The following ZNF232 variants were observed in gnomAD, a reference collection of about 807,000 sequenced individuals.
The protein encoded by ZNF232 is zinc finger and SCAN domain-containing protein 11.
A neutral mutation model predicts 25.2 loss-of-function variants in ZNF232; 25 were observed. That is an observed-to-expected ratio of 0.99 (90% CI 0.72 to 1.39). The LOEUF (loss-of-function observed/expected upper bound fraction) is 1.39, where lower values mean the gene tolerates loss of function less well. ZNF232 is among the 40% of genes most tolerant of loss of function. The probability of loss-of-function intolerance (pLI) is 0.00; values close to 1 mark genes in which losing one functional copy is unlikely to be tolerated. For synonymous variants in ZNF232, 193 were observed against 182.9 expected (o/e 1.06, Z -0.45); for missense variants, 519 against 520.9 (o/e 1.00, Z 0.04).
At chr17:5,116,866 A>G (rs571594442) in intron 1 of ZNF232, 1 of 152,284 alleles carries the variant, frequency 6.6e-6, no homozygotes, top group Non-Finnish European at 1.5e-5. Flanking sequence ...ACGGTACCCA[A>G]CACATAGCAA....
upstream of ZNF232, among the ~76,000 whole-genome samples, chr17:5,112,946 G>A (rs1465957148): frequency 1.3e-5 from 2 of 150,704 alleles, no homozygotes; most frequent in African/African-American, 2.5e-5. Context: ...GCGACAGAGT[G>A]AGACTCCGTC....
At chr17:5,109,642 G>A in exon 2 of ZNF232, 2 of 1,614,244 alleles carry the variant, frequency 1.2e-6, no homozygotes, top group Non-Finnish European at 1.7e-6. Context: ...TAGCGGAGAT[G>A]CCTGAAGCGT....
exon 4 of ZNF232, chr17:5,106,260 T>C (rs1178976006): frequency 2.5e-6 from 4 of 1,614,152 alleles, no homozygotes; most frequent in Non-Finnish European, 3.4e-6. Context: ...ATGGTCTTTC[T>C]TCCCTGTGGG....
Position 5,109,066 on chromosome 17 carries a change from G to A in ZNF232, c.499-14C>T, listed in dbSNP as rs1487593446. 9 of 1,613,788 alleles carry A rather than the reference G, an allele frequency of 5.6e-6. No homozygotes were observed. The highest frequency in any genetic ancestry group is 6.8e-6 in the Non-Finnish European group (8 of 1,179,954). On this transcript the variant is annotated splice_polypyrimidine_tract_variant and intron_variant, in intron 2 of 3. Transcript: ENST00000575898. ...AGGGCCTGGGACCTGGAGGTGATCA[G>A]GCACCACTCAGTTTAAATTTTCTTC...
upstream of ZNF232, chr17:5,116,505 C>G (rs77450252): frequency 0.032 from 4,935 of 152,434 alleles, 128 homozygotes; most frequent in East Asian, 0.11. Flanking sequence ...AGGGAAAAGG[C>G]CAGTGCCTGT....
chr17:5,114,056 T>G (rs187682486), upstream of ZNF232: 5 of 152,348 alleles, frequency 3.3e-5, no homozygotes, highest in African/African-American at 1.2e-4. Flanking sequence ...AAAATTGCTC[T>G]TAGGAAGCTT....
chr17:5,111,964 T>C, upstream of ZNF232: 1 of 1,278,404 alleles, frequency 7.8e-7, no homozygotes, highest in Non-Finnish European at 1.1e-6. Context: ...CCCAGGCGCG[T>C]GGGCGCTGCC....
chr17:5,111,828 C>A (rs755813325), exon 1 of ZNF232: 1 of 1,613,832 alleles, frequency 6.2e-7, no homozygotes, highest in Admixed American at 1.7e-5. Flanking sequence ...TCCATCGGGG[C>A]GCTGCCGCGA....
At chr17:5,122,830 C>T (rs1339451074) in intron 1 of ZNF232, 1 of 152,330 alleles carries the variant, frequency 6.6e-6, no homozygotes, top group Non-Finnish European at 1.5e-5. Context: ...GCGCACTGAG[C>T]TCTTAGAGGT....
chr17:5,122,635 C>A (rs2072722175), intron 1 of ZNF232, among the ~76,000 whole-genome samples: 1 of 152,218 alleles, frequency 6.6e-6, no homozygotes, highest in Non-Finnish European at 1.5e-5. Context: ...GAACGGCCGG[C>A]TGCAACGCGT....
chr17:5,111,498 A>G (rs1224935395), intron 1 of ZNF232: 7 of 476,328 alleles, frequency 1.5e-5, no homozygotes, highest in Non-Finnish European at 7.4e-6. Context: ...GGCCTCGGGC[A>G]GGTGCCCGCC....
At chr17:5,121,515 C>G (rs1213034440) in intron 1 of ZNF232, 3 of 212,936 alleles carry the variant, frequency 1.4e-5, no homozygotes, top group African/African-American at 4.7e-5. Context: ...CCTCCCCACC[C>G]TGTACCTATC....
upstream of ZNF232, among the ~76,000 whole-genome samples, chr17:5,115,451 T>C (rs1460860227): frequency 6.6e-6 from 1 of 151,954 alleles, no homozygotes; most frequent in Non-Finnish European, 1.5e-5. Context: ...CTCGGGAGGC[T>C]GAGGCGGGAC....
chr17:5,108,208 C>G (rs559961315), intron 3 of ZNF232, among the ~76,000 whole-genome samples: 1 of 152,188 alleles, frequency 6.6e-6, no homozygotes, highest in African/African-American at 2.4e-5. Flanking sequence ...ATCAAGTAGA[C>G]TCTTCTTGGT....
At chr17:5,109,139 G>A in intron 2 of ZNF232, 87 bp from the exon 3 acceptor site, 4 of 1,582,436 alleles carry the variant, frequency 2.5e-6, no homozygotes, top group Non-Finnish European at 3.4e-6. Flanking sequence ...TTGCAGATGT[G>A]ACCCTCCTTG....
At chr17:5,120,373 C>T (rs1394746546) in intron 1 of ZNF232, among the ~76,000 whole-genome samples, 8 of 152,084 alleles carry the variant, frequency 5.3e-5, no homozygotes, top group African/African-American at 9.7e-5. Flanking sequence ...GGGCTTAGCA[C>T]TTGTTGGGGA....
intron 3 of ZNF232, among the ~76,000 whole-genome samples, chr17:5,107,825 G>A (rs564957308): frequency 2.0e-5 from 3 of 152,118 alleles, no homozygotes; most frequent in East Asian, 1.9e-4. Flanking sequence ...GTGAGCCACC[G>A]TGCCCAGCCA....
At chr17:5,122,600 G>A (rs1372441119) in intron 1 of ZNF232, among the ~76,000 whole-genome samples, 4 of 150,694 alleles carry the variant, frequency 2.7e-5, no homozygotes, top group Non-Finnish European at 4.4e-5. Flanking sequence ...ACCCAGCCCC[G>A]ACCCTCCGCT....
At chr17:5,109,931 C>T in intron 1 of ZNF232, 63 bp from the exon 2 acceptor site, 2 of 1,467,638 alleles carry the variant, frequency 1.4e-6, no homozygotes, top group East Asian at 2.3e-5. Flanking sequence ...TCTCTGTTAC[C>T]CAGGCTGGAG....
Sources: gnomAD v4.1 joint callset for allele counts (sites outside exome capture counted in the v4.1 genomes callset) on GRCh38, gnomAD v4.1.1 for gene constraint, MANE v1.5 for transcripts, NCBI Gene and HGNC (gene_info 2026-07-23, HGNC 2026-07-21) for gene names.